Variants in ANKS1A observed in about 807,000 individuals in gnomAD.
ANKS1A encodes ankyrin repeat and sterile alpha motif domain containing 1A.
Under a neutral mutation model 120.3 loss-of-function variants are expected in ANKS1A, and 55 were observed. The ratio of observed to expected loss-of-function variants is 0.46; its 90% CI spans 0.37 to 0.57. The LOEUF is 0.57. ANKS1A is among the 20% of genes least tolerant of loss of function. The probability of loss-of-function intolerance (pLI) is 0.00; values close to 1 mark genes in which losing one functional copy is unlikely to be tolerated. For synonymous variants in ANKS1A, 590 were observed against 604.7 expected (o/e 0.98, Z 0.36); for missense variants, 1,123 against 1,480.3 (o/e 0.76, Z 3.96).
chr6:34,948,402 G>A (rs1018553420), intron 1 of ANKS1A, among the ~76,000 whole-genome samples: 2 of 152,108 alleles, frequency 1.3e-5, no homozygotes, highest in African/African-American at 4.8e-5. Context: ...ATCTGCTTGG[G>A]GAAGCCACTT....
chr6:34,952,051 A>C (rs1770116123), intron 1 of ANKS1A, among the ~76,000 whole-genome samples: 2 of 152,266 alleles, frequency 1.3e-5, no homozygotes, highest in South Asian at 4.1e-4. Flanking sequence ...GAAAAAAGCC[A>C]TTTCTCAGGA....
chr6:35,092,158 A>G (rs984827794), downstream of ANKS1A, among the ~76,000 whole-genome samples: 28 of 152,166 alleles, frequency 1.8e-4, no homozygotes, highest in African/African-American at 6.3e-4. Flanking sequence ...CTCTATTCAT[A>G]AAGCGGGAGG....
chr6:34,907,340 A>G (rs1767692976), intron 1 of ANKS1A, among the ~76,000 whole-genome samples: 1 of 152,186 alleles, frequency 6.6e-6, no homozygotes, highest in Non-Finnish European at 1.5e-5. Flanking sequence ...TTAAGTTTTG[A>G]TCAATGTACA....
chr6:34,927,650 C>T (rs756019364), intron 1 of ANKS1A, among the ~76,000 whole-genome samples: 3 of 152,040 alleles, frequency 2.0e-5, no homozygotes, highest in Non-Finnish European at 4.4e-5. Context: ...TAAGTGACAG[C>T]CTTGGGCATA....
In ANKS1A at chr6:35,020,985, G is replaced by A. The variant is rs139477361; in HGVS notation, c.2010+2926G>A. ...ATTCAGAAGATCAAGGTTTGCTTACGTCCTAAACATTAACAGGGCCCTTTA... is the reference window on the plus strand; with the variant it reads ...ATTCAGAAGATCAAGGTTTGCTTACATCCTAAACATTAACAGGGCCCTTTA... On this transcript the variant is annotated intron_variant, in intron 11 of 23. Transcript: ENST00000360359. 4.4e-3 allele frequency among the ~76,000 whole-genome samples: 663 copies of A among 152,332 alleles called. 6 individuals carry two copies. The highest frequency in any genetic ancestry group is 0.015 in the African/African-American group (613 of 41,580).
At chr6:34,973,085 A>G (rs1771267874) in intron 3 of ANKS1A, among the ~76,000 whole-genome samples, 1 of 152,206 alleles carries the variant, frequency 6.6e-6, no homozygotes, top group Non-Finnish European at 1.5e-5. Flanking sequence ...TTTGAAATGG[A>G]ATCTGATTTT....
At position 35,086,907 on chromosome 6, in the gene ANKS1A, G is replaced by A. The variant is rs1178984227; in HGVS notation, c.3304-45G>A. On this transcript the variant is annotated intron_variant, in intron 22 of 23. Transcript: ENST00000360359. The surrounding 1 kb of genome is among the most constrained non-coding windows in gnomAD (Gnocchi z 5.1). ...GGAGGGGCCTGCTGCCTCCAGCCCT[G>A]GCACAGAGCTCCCTCTGACTCTTGA... 2 of 1,594,144 alleles carry A rather than the reference G, an allele frequency of 1.3e-6. No individual in the cohort carries two copies. The highest frequency in any genetic ancestry group is 1.7e-6 in the Non-Finnish European group (2 of 1,162,034).
intron 11 of ANKS1A, among the ~76,000 whole-genome samples, chr6:35,045,778 T>G (rs1280727353): frequency 6.6e-6 from 1 of 152,200 alleles, no homozygotes; most frequent in Non-Finnish European, 1.5e-5. Flanking sequence ...GAGGAGGGAC[T>G]GGATCACCAG....
At chr6:35,007,443 C>G (rs1773522133) in intron 10 of ANKS1A, among the ~76,000 whole-genome samples, 1 of 152,224 alleles carries the variant, frequency 6.6e-6, no homozygotes, top group South Asian at 2.1e-4. Flanking sequence ...CTTCTGAAAT[C>G]ATCATACAGG....
At chr6:35,004,808 C>T (rs1362082041) in intron 10 of ANKS1A, among the ~76,000 whole-genome samples, 1 of 152,168 alleles carries the variant, frequency 6.6e-6, no homozygotes, top group Non-Finnish European at 1.5e-5. Context: ...CCATCCTAAT[C>T]TAACCACAGA....
At chr6:34,930,434 G>A (rs1768924142) in intron 1 of ANKS1A, among the ~76,000 whole-genome samples, 1 of 152,208 alleles carries the variant, frequency 6.6e-6, no homozygotes, top group African/African-American at 2.4e-5. Context: ...TAGCAGAACA[G>A]GGTTCAGACT....
chr6:34,923,484 A>G (rs1387588346), intron 1 of ANKS1A, among the ~76,000 whole-genome samples: 2 of 152,192 alleles, frequency 1.3e-5, no homozygotes, highest in Non-Finnish European at 2.9e-5. Flanking sequence ...CACATATTGA[A>G]TGCTTACTGT....
chr6:34,955,460 G>A (rs892815189), intron 1 of ANKS1A, among the ~76,000 whole-genome samples: 1 of 152,016 alleles, frequency 6.6e-6, no homozygotes, highest in Admixed American at 6.6e-5. Context: ...TCTATGTCCA[G>A]CTTATTCTTA....
intron 9 of ANKS1A, among the ~76,000 whole-genome samples, chr6:34,992,511 G>A (rs1020998658): frequency 5.3e-5 from 8 of 152,152 alleles, no homozygotes; most frequent in Non-Finnish European, 7.4e-5. Flanking sequence ...TCCTGTGTGC[G>A]GAACACTCAC....
chr6:35,023,277 C>G (rs1416327702), intron 11 of ANKS1A, among the ~76,000 whole-genome samples: 2 of 152,168 alleles, frequency 1.3e-5, no homozygotes, highest in East Asian at 3.9e-4. Context: ...CCTTCAGGTG[C>G]ACAATTTGTG....
intron 13 of ANKS1A, among the ~76,000 whole-genome samples, chr6:35,064,628 C>G (rs1178425674): frequency 6.6e-6 from 1 of 152,240 alleles, no homozygotes; most frequent in African/African-American, 2.4e-5. Flanking sequence ...CTCCAGCCCT[C>G]TAAACCAGCT....
At chr6:35,095,649 TA>T (rs60295651), downstream of ANKS1A, among the ~76,000 whole-genome samples, 858 of 128,506 alleles carry the variant, frequency 6.7e-3, 3 homozygotes, top group African/African-American at 0.01. Context: ...ACTTTTGTGT[TA>T]AAAAAAAAAA....
chr6:34,901,013 C>T (rs6907619), intron 1 of ANKS1A, among the ~76,000 whole-genome samples: 24,404 of 152,072 alleles, frequency 0.16, 2,591 homozygotes, highest in East Asian at 0.57. Flanking sequence ...TGTAGGTGCA[C>T]GTGTTCATGA....
In ANKS1A at chr6:35,085,520, C is replaced by T. The variant is rs1019280422; in HGVS notation, c.3133-246C>T. Among the ~76,000 whole-genome samples, 3 of 152,168 alleles carry T rather than the reference C, an allele frequency of 2.0e-5. No homozygotes were observed. Among genetic ancestry groups the T allele is most frequent in the Non-Finnish European group, 2.9e-5 (2 of 68,042 alleles). On this transcript the variant is annotated intron_variant, in intron 21 of 23. Coordinates refer to ENST00000360359, the MANE Select transcript of ANKS1A (RefSeq NM_015245.3). The surrounding 1 kb of genome is among the most constrained non-coding windows in gnomAD (Gnocchi z 4.7). ...GCACCCTGCCTTGGAAAAGACCTGC[C>T]GTAGGCTTACAGCAGTGTGCACCTG...
Sources: allele counts gnomAD v4.1 joint callset (sites outside exome capture counted in the v4.1 genomes callset), GRCh38; gene constraint gnomAD v4.1.1; non-coding constraint Gnocchi (gnomAD v3.1); transcripts MANE v1.5; gene names NCBI Gene and HGNC (gene_info 2026-07-23, HGNC 2026-07-21).